Variants in PHIP observed in about 807,000 individuals in gnomAD.
PHIP encodes PH-interacting protein.
PHIP carries 54 observed loss-of-function variants against 236.8 expected under a neutral mutation model. The observed-to-expected ratio is 0.23, with a 90% CI of 0.18 to 0.29. The LOEUF is 0.29. PHIP is among the 10% of genes least tolerant of loss of function. The pLI, the probability that PHIP is intolerant of heterozygous loss-of-function variation, is 1.00. For missense variants in PHIP, 1,370 were observed against 2,190.8 expected (o/e 0.63, Z 7.48); for synonymous variants, 756 against 718.9 (o/e 1.05, Z -0.83).
chr6:79,037,893 A>G (rs1316930293), intron 7 of PHIP, among the ~76,000 whole-genome samples: 1 of 152,250 alleles, frequency 6.6e-6, no homozygotes, highest in Non-Finnish European at 1.5e-5. Flanking sequence ...CAACAAAGGC[A>G]AAGACAAAGC....
In PHIP at chr6:78,946,793, G is replaced by A. The variant is rs746486726; in HGVS notation, c.4288C>T (p.Arg1430Cys). ...GTTATGGTATTTCTTTTATGAAAAC[G>A]AAGAGCAGATTTATAATCTGATAAA... The part of the protein sequence containing the change: ...SVLSDYKSAL[R>C]FHKRNTITKR... Residue 1430 changes from arginine to cysteine, a missense_variant, in exon 37 of 40, where the codon CGT becomes TGT. Arg to Cys is a radical substitution (Grantham distance 180). This residue lies in a region of PHIP where 125 missense variants were observed against 235.1 expected (regional missense o/e 0.53). Coordinates refer to ENST00000275034, the MANE Select transcript of PHIP (RefSeq NM_017934.7). 42 of 1,590,622 alleles carry A rather than the reference G, an allele frequency of 2.6e-5. No homozygotes were observed. The highest frequency in any genetic ancestry group is 3.3e-5 in the Non-Finnish European group (38 of 1,168,856).
In PHIP at chr6:78,969,175, C is replaced by A. The variant is rs1044491110; in HGVS notation, c.3205+660G>T. Among the ~76,000 whole-genome samples, 8 of 152,280 alleles carry A rather than the reference C, an allele frequency of 5.3e-5. No homozygotes were observed. In the South Asian group the frequency reaches 1.5e-3, roughly 28 times the overall value. ...ATTTTCCTAATTTCTCCTTACAGAG[C>A]ACATACAAGTTTTTAACAAAGGACA... On this transcript the variant is annotated intron_variant, in intron 27 of 39. Coordinates refer to ENST00000275034, the MANE Select transcript of PHIP (RefSeq NM_017934.7).
intron 13 of PHIP, 71 bp from the exon 14 acceptor site, chr6:79,015,854 A>G: frequency 4.1e-6 from 4 of 973,402 alleles, no homozygotes; most frequent in South Asian, 1.6e-5. Context: ...CATATAATCT[A>G]TAATTAGTAT....
At chr6:79,015,369 T>C (rs1458231945) in intron 14 of PHIP, among the ~76,000 whole-genome samples, 153 bp from the exon 15 acceptor site, 1 of 151,820 alleles carries the variant, frequency 6.6e-6, no homozygotes, top group African/African-American at 2.4e-5. Flanking sequence ...GTATATATAA[T>C]AATGAAACTG....
intron 23 of PHIP, 55 bp downstream of exon 23, chr6:78,982,831 G>C: frequency 9.8e-7 from 1 of 1,019,786 alleles, no homozygotes; most frequent in South Asian, 1.6e-5. Context: ...TTCAAGATGT[G>C]TGCTTTAAAC....
At chr6:79,070,478 T>C (rs1272331155) in intron 4 of PHIP, among the ~76,000 whole-genome samples, 3 of 152,238 alleles carry the variant, frequency 2.0e-5, no homozygotes, top group East Asian at 3.8e-4. Context: ...TAGAATTTAG[T>C]GTCTCTACAC....
intron 39 of PHIP, among the ~76,000 whole-genome samples, chr6:78,942,142 A>C (rs796287613): frequency 5.3e-5 from 8 of 152,312 alleles, no homozygotes; most frequent in African/African-American, 1.9e-4. Context: ...ATACATCTTC[A>C]TAACAGCATT....
intron 20 of PHIP, 61 bp from the exon 21 acceptor site, chr6:78,988,410 A>C: frequency 7.7e-7 from 1 of 1,299,802 alleles, no homozygotes; most frequent in Non-Finnish European, 1.0e-6. Flanking sequence ...TTTTAGTTTA[A>C]AAGTTAAAAT....
intron 14 of PHIP, 55 bp from the exon 15 acceptor site, chr6:79,015,271 C>G: frequency 7.1e-7 from 1 of 1,406,746 alleles, no homozygotes; most frequent in Non-Finnish European, 1.0e-6. Context: ...GAAAGAAAAA[C>G]AAACATAATG....
chr6:79,050,219 C>T (rs1772720229), intron 6 of PHIP, among the ~76,000 whole-genome samples: 2 of 152,134 alleles, frequency 1.3e-5, no homozygotes, highest in African/African-American at 4.8e-5. Flanking sequence ...CTACAGAACA[C>T]TCTTACGACG....
Position 78,969,869 on chromosome 6 carries a change from T to G in PHIP, c.3171A>C (p.Gln1057His). ...DVIDFLVLRQ[Q>H]FDDAKYRRWN... ...ATCGCCTGTATTTTGCATCATCAAA[T>G]TGTTGTCTCAAGACTAGGAAATCTA... is the stretch of plus-strand genomic sequence containing the variant. Residue 1057 changes from glutamine (Q) to histidine (H), a missense_variant, in exon 27 of 40, where the codon CAA becomes CAC. By Grantham distance (24) the Gln-to-His change is conservative. This residue lies in a region of PHIP where 238 missense variants were observed against 398.5 expected (regional missense o/e 0.60). Coordinates refer to ENST00000275034, the MANE Select transcript of PHIP (RefSeq NM_017934.7). The G allele has an allele frequency of 1.3e-6, 2 of 1,595,310 alleles. No individual in the cohort carries two copies. Among genetic ancestry groups the G allele is most frequent in the Non-Finnish European group, 1.7e-6 (2 of 1,165,706 alleles).
chr6:79,005,260 G>T (rs992554332), intron 15 of PHIP, among the ~76,000 whole-genome samples: 1 of 152,034 alleles, frequency 6.6e-6, no homozygotes, highest in East Asian at 1.9e-4. Context: ...GATAGGAGAA[G>T]AAGGTAACTG....
In PHIP at chr6:79,077,617, C is replaced by T. The variant is rs948714084; in HGVS notation, c.129+83G>A. ...GGACCCCGAGCCCCGCGCCCCGCGC[C>T]CTGCCGGCGGCGGCAGCGGCGGCGC... On this transcript the variant is annotated intron_variant, in intron 3 of 39. Transcript: ENST00000275034. The T allele has an allele frequency of 2.0e-5, 18 of 899,672 alleles. No individual in the cohort carries two copies. The African/African-American group carries it at 2.6e-4, about 13-fold the overall frequency. The allele number at this position is 899,672 out of a possible 1,614,324, so 55.7% of individuals were successfully genotyped here.
At chr6:78,990,343 G>A (rs1341555733) in intron 20 of PHIP, among the ~76,000 whole-genome samples, 1 of 152,166 alleles carries the variant, frequency 6.6e-6, no homozygotes, top group African/African-American at 2.4e-5. Context: ...ATTAGGCCAT[G>A]ACCAATTGAA....
chr6:78,935,485 T>C lies in PHIP; in HGVS notation c.*5208A>G. The C allele has an allele frequency of 1.0e-6, 1 of 978,066 alleles. No homozygotes were observed. The highest frequency in any genetic ancestry group is 4.7e-5 in the South Asian group (1 of 21,104). The allele number at this position is 978,066 out of a possible 1,614,324, so 60.6% of individuals were successfully genotyped here. Reference sequence around the variant, plus strand: ...GAAATTGCACATTTTTGAGAAAATATTTATGCAAAGTGTTCCACTGAAATG... The same window carrying C: ...GAAATTGCACATTTTTGAGAAAATACTTATGCAAAGTGTTCCACTGAAATG... On this transcript the variant is annotated 3_prime_UTR_variant, in exon 40 of 40. Transcript: ENST00000275034.
chr6:78,983,018 G>A lies in PHIP; in HGVS notation c.2637C>T (p.Ser879=). ...VPKNKTKKAE[S]SSDEEEESEK... is the part of the protein sequence containing the mutation. Reference sequence around the variant, plus strand: ...CAGATTCTTCTTCTTCATCTGAACTGCTTTCTGCTTTCTTGGTTTTATTCT... The same window carrying A: ...CAGATTCTTCTTCTTCATCTGAACTACTTTCTGCTTTCTTGGTTTTATTCT... The change falls in exon 23 of 40, where the codon AGC becomes AGT. Residue 879 remains serine (S), a synonymous_variant. Coordinates refer to ENST00000275034, the MANE Select transcript of PHIP (RefSeq NM_017934.7). 1 of 1,610,034 alleles carries A rather than the reference G, an allele frequency of 6.2e-7. No homozygotes were observed. The highest frequency in any genetic ancestry group is 8.5e-7 in the Non-Finnish European group (1 of 1,177,632).
rs1158554768 is a variant in PHIP, at chr6:78,957,312, T to C, written c.3782+1163A>G. The C allele has an allele frequency of 4.6e-5, 7 of 151,992 alleles. No homozygotes were observed. The East Asian group carries it at 1.4e-3, about 29-fold the overall frequency. The allele number at this position is 151,992 out of a possible 1,614,324, so 9.4% of individuals were successfully genotyped here. On this transcript the variant is annotated intron_variant, in intron 32 of 39. Transcript: ENST00000275034. ...ACATAGTTATAACACTTATAAAAAA[T>C]TACAGACATAAGAGTCTTCAGAGGA...
Position 79,025,559 on chromosome 6 carries a change from T to C in PHIP, c.883A>G (p.Ile295Val). 1.2e-6 allele frequency: 2 copies of C among 1,611,872 alleles called. No individual in the cohort carries two copies. The highest frequency in any genetic ancestry group is 1.7e-6 in the Non-Finnish European group (2 of 1,178,076). ...CCAGCATCCCAGAGCCAAAAACAAA[T>C]AGTGCCATCTGCCCCAGTAGAAGAT... is the stretch of plus-strand genomic sequence containing the variant. ...YLSSTGADGT[I>V]CFWLWDAGTL... Residue 295 changes from isoleucine (I) to valine (V), a missense_variant, in exon 9 of 40, where the codon ATT becomes GTT. Physicochemically the swap from Ile to Val is conservative, Grantham distance 29. Transcript: ENST00000275034.
chr6:79,036,900 T>G (rs1771963420), intron 7 of PHIP, among the ~76,000 whole-genome samples: 2 of 115,754 alleles, frequency 1.7e-5, no homozygotes, highest in South Asian at 5.4e-4. Flanking sequence ...CCAGCCTAGG[T>G]GACAGAGCAA....
Sources: allele counts gnomAD v4.1 joint callset (sites outside exome capture counted in the v4.1 genomes callset), GRCh38; gene constraint gnomAD v4.1.1; regional missense constraint gnomAD v4.1.1; transcripts MANE v1.5; gene names NCBI Gene and HGNC (gene_info 2026-07-23, HGNC 2026-07-21).